RIMBP2: variants seen among roughly 807,000 people sequenced by gnomAD.
RIMBP2 encodes the protein RIMS binding protein 2.
Under a neutral mutation model 118.6 loss-of-function variants are expected in RIMBP2, and 48 were observed. The ratio of observed to expected loss-of-function variants is 0.40; its 90% confidence interval spans 0.32 to 0.51. RIMBP2 has a LOEUF of 0.51. RIMBP2 is among the 20% of genes least tolerant of loss of function. The pLI, the probability that RIMBP2 is intolerant of heterozygous loss-of-function variation, is 0.41. For missense variants in RIMBP2, 1,551 were observed against 1,768.3 expected, an observed-to-expected ratio of 0.88 and a Z score of 2.20; for synonymous variants, 762 against 742.9, an observed-to-expected ratio of 1.03 and a Z score of -0.42.
chr12:130,707,896 G>A (rs941277561), intron 1 of RIMBP2, among the ~76,000 whole-genome samples: 1 of 152,176 alleles, frequency 6.6e-6, no homozygotes, highest in Non-Finnish European at 1.5e-5. Flanking sequence ...CAAAGCAAAT[G>A]CTTAGCCAAG....
At chr12:130,539,583 CCAGGTGTAGGATATGGCAAATGCAGTCG>C (rs2054389762) in intron 2 of RIMBP2, among the ~76,000 whole-genome samples, 1 of 144,038 alleles carries the variant, frequency 6.9e-6, no homozygotes, top group Admixed American at 7.1e-5. Context: ...GATGGGGTGG[CCAGGTGTAGGATATGGCAAATGCAGTCG>C]ATGAGGTGGC....
intron 2 of RIMBP2, among the ~76,000 whole-genome samples, chr12:130,587,757 C>G (rs1393449535): frequency 1.2e-4 from 17 of 137,808 alleles, no homozygotes; most frequent in African/African-American, 4.4e-4. Context: ...TGCAGCGCAC[C>G]AGCCTGGCAC....
At chr12:130,696,019 T>A (rs1446316754) in intron 1 of RIMBP2, among the ~76,000 whole-genome samples, 7 of 152,050 alleles carry the variant, frequency 4.6e-5, no homozygotes. Flanking sequence ...GACAGATGCA[T>A]TTCAGATGTG....
At chr12:130,600,171 G>A (rs1405713366) in intron 2 of RIMBP2, among the ~76,000 whole-genome samples, 3 of 152,118 alleles carry the variant, frequency 2.0e-5, no homozygotes, top group African/African-American at 7.2e-5. Flanking sequence ...ACCACCTTAG[G>A]CACATGTTGT....
At chr12:130,627,876 C>T (rs904364569) in intron 2 of RIMBP2, among the ~76,000 whole-genome samples, 4 of 152,202 alleles carry the variant, frequency 2.6e-5, no homozygotes, top group Admixed American at 6.5e-5. Flanking sequence ...TTTGCTCCCA[C>T]GCTTACCTCC....
chr12:130,460,590 A>G (rs2079889092), intron 6 of RIMBP2, among the ~76,000 whole-genome samples: 1 of 152,168 alleles, frequency 6.6e-6, no homozygotes, highest in Non-Finnish European at 1.5e-5. Context: ...TATTTGTACT[A>G]GTAGCAACAG....
chr12:130,613,458 G>T (rs2060688485), intron 2 of RIMBP2, among the ~76,000 whole-genome samples: 1 of 152,184 alleles, frequency 6.6e-6, no homozygotes, highest in Non-Finnish European at 1.5e-5. Context: ...ACAGAAGGAG[G>T]TAGAGGGTGG....
At position 130,541,979 on chromosome 12, in the gene RIMBP2, T is replaced by C. The variant is rs1593725073; in HGVS notation, c.-216-24062A>G. On this transcript the variant is annotated intron_variant, in intron 2 of 22. Transcript: ENST00000690449. The stretch of plus-strand genomic sequence containing the variant: ...GGCAAGGTGACTTTTGGCACAACCA[T>C]ACTCAGGGGCTCTAAGTGGAGGCAT... 2.0e-5 allele frequency among the ~76,000 whole-genome samples: 3 copies of C among 152,218 alleles called. No homozygotes were observed. In the South Asian group the frequency reaches 6.2e-4, roughly 32 times the overall value.
At chr12:130,616,647 C>T (rs923697126) in intron 2 of RIMBP2, among the ~76,000 whole-genome samples, 1 of 152,208 alleles carries the variant, frequency 6.6e-6, no homozygotes, top group East Asian at 1.9e-4. Flanking sequence ...ATAGAGGTTA[C>T]GGAATCTTCC....
Position 130,622,070 on chromosome 12 carries a change from C to T in RIMBP2, c.-217+6252G>A, listed in dbSNP as rs918118615. ...TAATTGCTTTAGTCATGAAGAGTAACGACATTAAGAGCCATTTTAACTAGA... is the reference window on the plus strand; with the variant it reads ...TAATTGCTTTAGTCATGAAGAGTAATGACATTAAGAGCCATTTTAACTAGA... On this transcript the variant is annotated intron_variant, in intron 2 of 22. Coordinates refer to ENST00000690449, the MANE Select transcript of RIMBP2 (RefSeq NM_001393629.1). This position sits in a 1 kb window ranked among gnomAD's most constrained non-coding sequence, Gnocchi z 8.5. 1.1e-4 allele frequency among the ~76,000 whole-genome samples: 17 copies of T among 152,194 alleles called. No individual in the cohort carries two copies. The highest frequency in any genetic ancestry group is 3.8e-4 in the East Asian group (2 of 5,198).
chr12:130,712,231 C>A (rs982166118), intron 1 of RIMBP2, among the ~76,000 whole-genome samples: 3 of 152,208 alleles, frequency 2.0e-5, no homozygotes, highest in Admixed American at 1.3e-4. Context: ...TTCTTTCTTC[C>A]ATAACTGCCC....
At chr12:130,707,734 C>A (rs1268163105) in intron 1 of RIMBP2, among the ~76,000 whole-genome samples, 1 of 152,114 alleles carries the variant, frequency 6.6e-6, no homozygotes, top group East Asian at 1.9e-4. Context: ...GGCAGTGTGG[C>A]CCAGGGACAA....
chr12:130,538,992 CAGAGCTCCTGGGGCTGTCGATGA>C (rs2054322070), intron 2 of RIMBP2, among the ~76,000 whole-genome samples: 1 of 152,164 alleles, frequency 6.6e-6, no homozygotes, highest in East Asian at 1.9e-4. Flanking sequence ...CACGGCTCTG[CAGAGCTCCTGGGGCTGTCGATGA>C]TCTTCAGTGG....
In RIMBP2 at chr12:130,414,241, C is replaced by T. The variant is rs138034003; in HGVS notation, c.3304G>A (p.Glu1102Lys). 34 of 1,613,822 alleles carry T rather than the reference C, an allele frequency of 2.1e-5. No individual in the cohort carries two copies. Among genetic ancestry groups the T allele is most frequent in the Admixed American group, 6.7e-5 (4 of 59,976 alleles). Residue 1102 changes from glutamate to lysine, a missense_variant, in exon 18 of 23, where the codon GAA becomes AAA. Coordinates refer to ENST00000690449, the MANE Select transcript of RIMBP2 (RefSeq NM_001393629.1). The stretch of plus-strand genomic sequence containing the variant: ...ACAAAGATCCGGGCCGGGAGCTCTT[C>T]GGCACCAGGGTCAGTTTCTGACTCT... Reference protein sequence around the residue: ...YEESETDPGAEELPARIFVAL... With the variant: ...YEESETDPGAKELPARIFVAL...
At chr12:130,470,808 A>G (rs2080939322) in intron 5 of RIMBP2, 65 bp from the exon 6 acceptor site, 1 of 941,220 alleles carries the variant, frequency 1.1e-6, no homozygotes, top group South Asian at 5.4e-5. Context: ...AATCGGATCA[A>G]TGTCTGAATC....
chr12:130,486,153 G>C (rs1341733172), intron 4 of RIMBP2, among the ~76,000 whole-genome samples: 1 of 152,046 alleles, frequency 6.6e-6, no homozygotes, highest in Non-Finnish European at 1.5e-5. Context: ...CTGTCACTCG[G>C]CTGAGATTCT....
At chr12:130,669,394 A>G (rs2064098044) in intron 1 of RIMBP2, among the ~76,000 whole-genome samples, 1 of 152,146 alleles carries the variant, frequency 6.6e-6, no homozygotes, top group African/African-American at 2.4e-5. Flanking sequence ...CTCATCTTGT[A>G]TTGTAATCCC....
intron 1 of RIMBP2, among the ~76,000 whole-genome samples, chr12:130,672,966 A>G (rs1260484223): frequency 6.6e-6 from 1 of 152,218 alleles, no homozygotes; most frequent in Non-Finnish European, 1.5e-5. Context: ...AGCCACCTCA[A>G]GTCGTTTCCC....
At chr12:130,551,474 AAT>A (rs2055774281) in intron 2 of RIMBP2, among the ~76,000 whole-genome samples, 1 of 152,232 alleles carries the variant, frequency 6.6e-6, no homozygotes, top group Non-Finnish European at 1.5e-5. Context: ...ATCTAAAAAA[AAT>A]GTCCCATAGT....
Sources: allele counts gnomAD v4.1 joint callset (sites outside exome capture counted in the v4.1 genomes callset), GRCh38; gene constraint gnomAD v4.1.1; non-coding constraint Gnocchi (gnomAD v3.1); transcripts MANE v1.5; gene names NCBI Gene and HGNC (gene_info 2026-07-23, HGNC 2026-07-21).